PLA2G4A: variants seen among roughly 807,000 people sequenced by gnomAD.
PLA2G4A encodes cytosolic phospholipase A2.
Under a neutral mutation model 81.9 loss-of-function variants are expected in PLA2G4A, and 40 were observed. The ratio of observed to expected loss-of-function variants is 0.49; its 90% CI spans 0.38 to 0.64. The LOEUF (loss-of-function observed/expected upper bound fraction) is 0.64, where lower values mean the gene tolerates loss of function less well. PLA2G4A is among the 30% of genes least tolerant of loss of function. The pLI is 0.00. For missense variants in PLA2G4A, 715 were observed against 905.1 expected, an observed-to-expected ratio of 0.79 and a Z score of 2.69; for synonymous variants, 302 against 296.9, an observed-to-expected ratio of 1.02 and a Z score of -0.18.
At chr1:186,853,032 A>C (rs889835461) in intron 1 of PLA2G4A, among the ~76,000 whole-genome samples, 3 of 151,972 alleles carry the variant, frequency 2.0e-5, no homozygotes, top group African/African-American at 7.2e-5. Context: ...TGATGAAAGT[A>C]AATAGACGTT....
At chr1:186,972,655 G>A (rs536763885) in intron 15 of PLA2G4A, among the ~76,000 whole-genome samples, 1 of 152,062 alleles carries the variant, frequency 6.6e-6, no homozygotes, top group African/African-American at 2.4e-5. Context: ...TCATTTAAAT[G>A]CTTAATGACA....
chr1:186,917,614 C>G (rs1655185833), intron 7 of PLA2G4A, among the ~76,000 whole-genome samples: 2 of 152,082 alleles, frequency 1.3e-5, no homozygotes, highest in Non-Finnish European at 2.9e-5. Context: ...AAATGCCGGC[C>G]CGTTATCTGA....
intron 2 of PLA2G4A, among the ~76,000 whole-genome samples, chr1:186,858,398 A>C (rs1652670698): frequency 6.6e-6 from 1 of 152,152 alleles, no homozygotes; most frequent in Non-Finnish European, 1.5e-5. Context: ...GGCTGCATAG[A>C]TGTCTTCTTT....
chr1:186,843,185 T>G (rs1293158881), intron 1 of PLA2G4A, among the ~76,000 whole-genome samples: 1 of 152,224 alleles, frequency 6.6e-6, no homozygotes, highest in East Asian at 1.9e-4. Flanking sequence ...AATCCCTATC[T>G]TGTTATAAAG....
intron 1 of PLA2G4A, among the ~76,000 whole-genome samples, chr1:186,845,281 T>A (rs1652132014): frequency 6.6e-6 from 1 of 152,068 alleles, no homozygotes; most frequent in South Asian, 2.1e-4. Flanking sequence ...TTGAGGCAGT[T>A]TGAGGGGGAT....
intron 15 of PLA2G4A, among the ~76,000 whole-genome samples, chr1:186,970,739 G>A (rs1396585963): frequency 6.6e-6 from 1 of 151,930 alleles, no homozygotes; most frequent in Non-Finnish European, 1.5e-5. Flanking sequence ...TTATTTCTGG[G>A]TTCTCTATTC....
rs550210097 is a variant in PLA2G4A at position 186,976,471 on chromosome 1, T to C, written c.1765-1122T>C. 9.8e-5 allele frequency among the ~76,000 whole-genome samples: 15 copies of C among 152,336 alleles called. 1 individual carries two copies. The South Asian group carries it at 2.7e-3, about 27-fold the overall frequency. On this transcript the variant is annotated intron_variant, in intron 15 of 17. Transcript: ENST00000367466. ...ACTTAATATGTAGTAAGCACTGTTT[T>C]AAGCACTGTAAAGTATTAATTTATT...
intron 5 of PLA2G4A, among the ~76,000 whole-genome samples, chr1:186,904,183 T>C (rs1654649275): frequency 1.3e-5 from 2 of 152,224 alleles, no homozygotes; most frequent in African/African-American, 4.8e-5. Flanking sequence ...AATTTAAAGA[T>C]GACATTGCTG....
At chr1:186,900,377 T>G (rs1654493801) in intron 5 of PLA2G4A, among the ~76,000 whole-genome samples, 1 of 152,228 alleles carries the variant, frequency 6.6e-6, no homozygotes, top group African/African-American at 2.4e-5. Flanking sequence ...TAAATAAATA[T>G]TAAATATTCT....
chr1:186,855,285 G>A (rs2102028738), intron 2 of PLA2G4A, among the ~76,000 whole-genome samples: 1 of 151,914 alleles, frequency 6.6e-6, no homozygotes, highest in Admixed American at 6.6e-5. Context: ...CAACTCTGCT[G>A]CTCATTACTG....
intron 1 of PLA2G4A, among the ~76,000 whole-genome samples, chr1:186,850,656 T>C (rs1260224424): frequency 6.6e-6 from 1 of 152,142 alleles, no homozygotes; most frequent in Non-Finnish European, 1.5e-5. Flanking sequence ...CAGAAGATGC[T>C]CTTCTGCTAT....
intron 7 of PLA2G4A, among the ~76,000 whole-genome samples, chr1:186,913,656 G>A (rs1225891818): frequency 1.4e-5 from 2 of 142,520 alleles, no homozygotes; most frequent in African/African-American, 4.9e-5. Context: ...AAATACATAA[G>A]TAAACATATA....
chr1:186,947,950 C>T (rs1425687589), intron 12 of PLA2G4A, among the ~76,000 whole-genome samples: 1 of 152,076 alleles, frequency 6.6e-6, no homozygotes. Context: ...ACAAGCTGTC[C>T]TTGGTTATCC....
At chr1:186,954,855 A>G (rs919693512) in intron 13 of PLA2G4A, among the ~76,000 whole-genome samples, 2 of 152,212 alleles carry the variant, frequency 1.3e-5, no homozygotes, top group African/African-American at 2.4e-5. Flanking sequence ...ATTGATGATT[A>G]TGATGCTTCT....
intron 7 of PLA2G4A, among the ~76,000 whole-genome samples, chr1:186,930,652 A>G (rs1655710372): frequency 6.6e-6 from 1 of 152,144 alleles, no homozygotes; most frequent in South Asian, 2.1e-4. Flanking sequence ...GGTTATTTTT[A>G]ATAATACAAT....
At chr1:186,894,467 T>C (rs925933690) in intron 5 of PLA2G4A, among the ~76,000 whole-genome samples, 2 of 152,144 alleles carry the variant, frequency 1.3e-5, no homozygotes, top group South Asian at 2.1e-4. Flanking sequence ...AATGATGACA[T>C]TGGGATTCAG....
intron 14 of PLA2G4A, among the ~76,000 whole-genome samples, chr1:186,961,807 A>G (rs1404856232): frequency 6.6e-6 from 1 of 152,230 alleles, no homozygotes; most frequent in Non-Finnish European, 1.5e-5. Flanking sequence ...GATTAGGGAA[A>G]ATCACTGCAT....
intron 7 of PLA2G4A, among the ~76,000 whole-genome samples, chr1:186,917,990 C>A (rs111492165): frequency 0.046 from 7,072 of 152,278 alleles, 220 homozygotes; most frequent in Middle Eastern, 0.1. Flanking sequence ...TGAGTGGTTT[C>A]GTGCATGGCC....
At chr1:186,861,198 G>T (rs1328868202) in intron 2 of PLA2G4A, among the ~76,000 whole-genome samples, 1 of 152,130 alleles carries the variant, frequency 6.6e-6, no homozygotes, top group Non-Finnish European at 1.5e-5. Context: ...CATTAAAATG[G>T]GTTACCAGTA....
Sources: gnomAD v4.1 joint callset for allele counts (sites outside exome capture counted in the v4.1 genomes callset) on GRCh38, gnomAD v4.1.1 for gene constraint, MANE v1.5 for transcripts, NCBI Gene and HGNC (gene_info 2026-07-23, HGNC 2026-07-21) for gene names.